Variants in SDK1 observed in about 807,000 individuals in gnomAD.
The protein encoded by SDK1 is sidekick cell adhesion molecule 1.
In SDK1, 157 loss-of-function variants were observed where a neutral mutation model predicts 245.5. That is an observed-to-expected ratio of 0.64 (90% CI 0.56 to 0.73). The LOEUF is 0.73. SDK1 is among the 30% of genes least tolerant of loss of function. The pLI, the probability that SDK1 is intolerant of heterozygous loss-of-function variation, is 0.00. For missense variants in SDK1, 3,583 were observed against 3,002.3 expected (o/e 1.19, Z -4.52); for synonymous variants, 1,647 against 1,278.5 (o/e 1.29, Z -6.15).
At chr7:3,882,707 A>C (rs1028667914) in intron 5 of SDK1, among the ~76,000 whole-genome samples, 1 of 151,762 alleles carries the variant, frequency 6.6e-6, no homozygotes, top group African/African-American at 2.4e-5. Flanking sequence ...CGCTGTTGTC[A>C]CTATTTACAA....
intron 41 of SDK1, among the ~76,000 whole-genome samples, chr7:4,235,016 T>C (rs1391610792): frequency 6.6e-6 from 1 of 152,128 alleles, no homozygotes; most frequent in Non-Finnish European, 1.5e-5. Flanking sequence ...TTAACCTTCG[T>C]CCTTTATGTG....
At chr7:3,992,732 G>C (rs868792277) in intron 14 of SDK1, among the ~76,000 whole-genome samples, 1 of 152,136 alleles carries the variant, frequency 6.6e-6, no homozygotes, top group Admixed American at 6.5e-5. Flanking sequence ...GGATTACTGA[G>C]TGTCTCATCT....
At chr7:3,835,724 G>C (rs878866891) in intron 5 of SDK1, among the ~76,000 whole-genome samples, 3 of 152,118 alleles carry the variant, frequency 2.0e-5, no homozygotes. Context: ...AGCATTATAG[G>C]CATTGAGGAT....
Position 3,366,352 on chromosome 7 carries a change from C to CT in SDK1, c.298+64479dup, listed in dbSNP as rs1245911458. On this transcript the variant is annotated intron_variant, in intron 1 of 44. Transcript: ENST00000404826. ...TCTATGGTCTCTGGTCTCCTCCTTT[C>CT]TTTTTTTTTTTATTTCACAATATAT... 5.1e-3 allele frequency among the ~76,000 whole-genome samples: 750 copies of CT among 146,378 alleles called. 7 individuals are homozygous for CT. Among genetic ancestry groups the CT allele is most frequent in the African/African-American group, 0.016 (623 of 40,144 alleles).
chr7:3,580,661 C>A (rs932657120), intron 1 of SDK1, among the ~76,000 whole-genome samples: 1 of 151,890 alleles, frequency 6.6e-6, no homozygotes, highest in Non-Finnish European at 1.5e-5. Context: ...ATGTAAAACC[C>A]AAAACTATAA....
At position 4,049,441 on chromosome 7, in the gene SDK1, A is replaced by G. The variant is rs1432987894; in HGVS notation, c.2696A>G (p.Asn899Ser). ...AACCCTCCGCCTCAGCAGTTTATCA[A>G]TGGCATCAACCAGGGATACAAGGTA... ...LWNPPPQQFI[N>S]GINQGYKLLA... Residue 899 changes from asparagine to serine, a missense_variant, in exon 18 of 45, where the codon AAT becomes AGT. Physicochemically the swap from Asn to Ser is conservative, Grantham distance 46. Coordinates refer to ENST00000404826, the MANE Select transcript of SDK1 (RefSeq NM_152744.4). 18 of 1,613,728 alleles carry G rather than the reference A, an allele frequency of 1.1e-5. No homozygotes were observed. Among genetic ancestry groups the G allele is most frequent in the Admixed American group, 5.0e-5 (3 of 60,002 alleles).
intron 1 of SDK1, among the ~76,000 whole-genome samples, chr7:3,509,202 C>T (rs1001474170): frequency 2.6e-5 from 4 of 152,142 alleles, no homozygotes; most frequent in African/African-American, 9.7e-5. Context: ...TGGAGTCTTA[C>T]ACAGTGACTT....
At chr7:3,852,914 A>G (rs1780454563) in intron 5 of SDK1, among the ~76,000 whole-genome samples, 2 of 152,014 alleles carry the variant, frequency 1.3e-5, no homozygotes, top group African/African-American at 4.8e-5. Context: ...TGAGAGAATC[A>G]TCTCATATGG....
At chr7:3,350,278 G>C (rs995500937) in intron 1 of SDK1, among the ~76,000 whole-genome samples, 1 of 151,962 alleles carries the variant, frequency 6.6e-6, no homozygotes, top group Non-Finnish European at 1.5e-5. Flanking sequence ...AAGTTTATCA[G>C]TGTCTGTGTG....
intron 4 of SDK1, among the ~76,000 whole-genome samples, chr7:3,698,006 G>A (rs150062468): frequency 5.3e-5 from 8 of 152,230 alleles, no homozygotes; most frequent in East Asian, 1.9e-4. Flanking sequence ...CACAGTGCTG[G>A]CATCTCTGAG....
Position 4,052,363 on chromosome 7 carries a change from C to G in SDK1, c.2911+533C>G, listed in dbSNP as rs571138430. On this transcript the variant is annotated intron_variant, in intron 19 of 44. Coordinates refer to ENST00000404826, the MANE Select transcript of SDK1 (RefSeq NM_152744.4). ...AATGAAGTTACCCCGAGAAAATAGT[C>G]ACAGATGCACACAAAGATTTATATA... 1.4e-4 allele frequency among the ~76,000 whole-genome samples: 21 copies of G among 152,088 alleles called. 1 individual carries two copies. The South Asian group carries it at 4.4e-3, about 32-fold the overall frequency.
intron 1 of SDK1, among the ~76,000 whole-genome samples, chr7:3,605,314 G>A (rs1025663305): frequency 2.0e-5 from 3 of 152,218 alleles, no homozygotes; most frequent in African/African-American, 4.8e-5. Context: ...TAAGGAGAAA[G>A]CATACGTAGC....
At chr7:4,208,855 C>T (rs944273565) in intron 37 of SDK1, among the ~76,000 whole-genome samples, 2 of 152,224 alleles carry the variant, frequency 1.3e-5, no homozygotes, top group African/African-American at 4.8e-5. Flanking sequence ...AGCGCCTGTT[C>T]TCAGTCGACC....
intron 17 of SDK1, among the ~76,000 whole-genome samples, chr7:4,034,777 C>G (rs1788094932): frequency 6.6e-6 from 1 of 152,086 alleles, no homozygotes; most frequent in African/African-American, 2.4e-5. Flanking sequence ...ACCAAAATGC[C>G]CATCATTAAG....
chr7:3,482,171 C>CA (rs1411986914), intron 1 of SDK1, among the ~76,000 whole-genome samples: 1 of 152,018 alleles, frequency 6.6e-6, no homozygotes, highest in East Asian at 1.9e-4. Context: ...ACAGTCTATT[C>CA]ATCGATCAGA....
At chr7:3,532,929 A>G (rs761289146) in intron 1 of SDK1, among the ~76,000 whole-genome samples, 5 of 152,168 alleles carry the variant, frequency 3.3e-5, no homozygotes, top group East Asian at 1.9e-4. Flanking sequence ...CACACCATGC[A>G]TCGGCACTCA....
intron 20 of SDK1, among the ~76,000 whole-genome samples, chr7:4,068,404 C>T (rs1438636079): frequency 6.6e-6 from 1 of 152,196 alleles, no homozygotes; most frequent in Admixed American, 6.5e-5. Flanking sequence ...GGCAGCCAGC[C>T]TTCTCAGACA....
chr7:3,989,816 G>A (rs1332523677), intron 14 of SDK1, among the ~76,000 whole-genome samples: 1 of 152,204 alleles, frequency 6.6e-6, no homozygotes, highest in East Asian at 1.9e-4. Context: ...TTCCCTGGGG[G>A]TTCCCTTCTG....
intron 1 of SDK1, among the ~76,000 whole-genome samples, chr7:3,455,968 TTTG>T (rs1780652183): frequency 6.6e-6 from 1 of 152,176 alleles, no homozygotes; most frequent in South Asian, 2.1e-4. Flanking sequence ...AATGTTCTTA[TTTG>T]TTGTTCATTC....
Sources: gnomAD v4.1 joint callset for allele counts (sites outside exome capture counted in the v4.1 genomes callset) on GRCh38, gnomAD v4.1.1 for gene constraint, MANE v1.5 for transcripts, NCBI Gene and HGNC (gene_info 2026-07-23, HGNC 2026-07-21) for gene names.